GUCY1A2: variants seen among roughly 807,000 people sequenced by gnomAD.
The protein encoded by GUCY1A2 is guanylate cyclase soluble subunit alpha-2.
Under a neutral mutation model 63.5 loss-of-function variants are expected in GUCY1A2, and 27 were observed. The observed-to-expected ratio is 0.43, with a 90% confidence interval of 0.31 to 0.59. The LOEUF (loss-of-function observed/expected upper bound fraction) is 0.59, where lower values mean the gene tolerates loss of function less well. Ranked by LOEUF, GUCY1A2 falls within the 20% of genes least tolerant of loss-of-function variation. The pLI is 0.11. For synonymous variants in GUCY1A2, 364 were observed against 343.5 expected (o/e 1.06, Z -0.66); for missense variants, 768 against 913.3 (o/e 0.84, Z 2.05).
chr11:106,774,583 G>A, intron 6 of GUCY1A2, among the ~76,000 whole-genome samples: 1 of 150,726 alleles, frequency 6.6e-6, no homozygotes, highest in African/African-American at 2.5e-5. Flanking sequence ...GGTACTGATT[G>A]ACATCTTTTA....
intron 4 of GUCY1A2, among the ~76,000 whole-genome samples, chr11:106,908,530 A>T (rs900185953): frequency 4.6e-5 from 7 of 152,024 alleles, no homozygotes; most frequent in Admixed American, 4.6e-4. Flanking sequence ...TGACAAAAAA[A>T]CAAGTGATAA....
intron 4 of GUCY1A2, among the ~76,000 whole-genome samples, chr11:106,848,078 T>G (rs1009770499): frequency 6.6e-6 from 1 of 151,590 alleles, no homozygotes; most frequent in South Asian, 2.1e-4. Flanking sequence ...ACGCAGAAAT[T>G]TGAAAATAGG....
intron 3 of GUCY1A2, among the ~76,000 whole-genome samples, chr11:106,951,224 T>C (rs541835095): frequency 1.1e-4 from 17 of 152,336 alleles, no homozygotes; most frequent in East Asian, 1.9e-4. Context: ...GTCTTTATAG[T>C]AGAATCATTT....
At chr11:106,826,956 A>C in intron 4 of GUCY1A2, 23 of 1,610,820 alleles carry the variant, frequency 1.4e-5, no homozygotes, top group Non-Finnish European at 2.0e-5. Context: ...TAGCACTGAC[A>C]ATGAAATCGC....
chr11:106,803,367 C>G lies in GUCY1A2; in HGVS notation c.1692+6626G>C, dbSNP rs548358503. 3.3e-5 allele frequency among the ~76,000 whole-genome samples: 5 copies of G among 152,160 alleles called. No homozygotes were observed. In the South Asian group the frequency reaches 1.0e-3, roughly 32 times the overall value. ...ATGCATTTCGGAAAGCTATTTATCT[C>G]CCTCCCTCCTTTTATTTCTCTATCC... is the stretch of plus-strand genomic sequence containing the variant. On this transcript the variant is annotated intron_variant, in intron 5 of 7. Transcript: ENST00000526355.
At chr11:106,760,261 G>A (rs1864042950) in intron 6 of GUCY1A2, among the ~76,000 whole-genome samples, 1 of 152,094 alleles carries the variant, frequency 6.6e-6, no homozygotes, top group Non-Finnish European at 1.5e-5. Context: ...AATGGATAAA[G>A]GCTTATACAT....
intron 6 of GUCY1A2, among the ~76,000 whole-genome samples, chr11:106,736,960 G>A (rs1487208619): frequency 1.3e-5 from 2 of 152,102 alleles, no homozygotes; most frequent in Non-Finnish European, 2.9e-5. Context: ...ATTGCTCTCA[G>A]GGAAGCCAGT....
intron 4 of GUCY1A2, among the ~76,000 whole-genome samples, chr11:106,935,980 G>A (rs1350263827): frequency 1.3e-5 from 2 of 152,166 alleles, no homozygotes; most frequent in African/African-American, 4.8e-5. Context: ...AATTTCCAAT[G>A]TATAAAACTG....
At chr11:106,949,575 T>C (rs1565340898) in intron 3 of GUCY1A2, among the ~76,000 whole-genome samples, 3 of 152,196 alleles carry the variant, frequency 2.0e-5, no homozygotes, top group African/African-American at 7.2e-5. Flanking sequence ...GAGACCGAGA[T>C]AGATGTCTCT....
chr11:106,775,476 CG>C (rs1864339116), intron 6 of GUCY1A2, among the ~76,000 whole-genome samples: 1 of 92,584 alleles, frequency 1.1e-5, no homozygotes, highest in African/African-American at 4.1e-5. Context: ...TCACCAATTA[CG>C]TTTTTTTTTT....
intron 3 of GUCY1A2, among the ~76,000 whole-genome samples, chr11:106,945,330 G>A (rs1860811972): frequency 6.6e-6 from 1 of 151,666 alleles, no homozygotes; most frequent in African/African-American, 2.4e-5. Flanking sequence ...AGAGTATCTG[G>A]CAAAGATTCA....
chr11:106,915,143 T>A (rs906540237), intron 4 of GUCY1A2, among the ~76,000 whole-genome samples: 6 of 152,114 alleles, frequency 3.9e-5, no homozygotes, highest in African/African-American at 1.4e-4. Context: ...GATCAGAAAC[T>A]TGGATCTTTT....
At position 106,681,744 on chromosome 11, in the gene GUCY1A2, A is replaced by G. The variant is rs1275180718; in HGVS notation, c.*5805T>C. ...TATAAAACATGTTTCTGTTTTCACA[A>G]AGGCTCTATGAAATGCAAAGAAGTG... On this transcript the variant is annotated 3_prime_UTR_variant, in exon 8 of 8. Coordinates refer to ENST00000526355, the MANE Select transcript of GUCY1A2 (RefSeq NM_000855.3). The G allele has an allele frequency of 4.6e-6, 1 of 219,616 alleles. No individual in the cohort carries two copies. Among genetic ancestry groups the G allele is most frequent in the Non-Finnish European group, 9.1e-6 (1 of 109,584 alleles). 13.6% of individuals were successfully genotyped at this position (219,616 alleles called of 1,614,324 possible).
intron 1 of GUCY1A2, among the ~76,000 whole-genome samples, chr11:107,010,772 C>A (rs1297280771): frequency 6.6e-6 from 1 of 152,050 alleles, no homozygotes; most frequent in Non-Finnish European, 1.5e-5. Context: ...CCTCTGTCAC[C>A]CAGGCTGGAG....
chr11:106,739,681 C>G (rs1863656124), intron 6 of GUCY1A2, among the ~76,000 whole-genome samples: 1 of 152,126 alleles, frequency 6.6e-6, no homozygotes, highest in Non-Finnish European at 1.5e-5. Context: ...TAAAACATGT[C>G]TTTTAGAATT....
At chr11:106,869,174 A>T (rs1459267588) in intron 4 of GUCY1A2, among the ~76,000 whole-genome samples, 1 of 152,142 alleles carries the variant, frequency 6.6e-6, no homozygotes, top group African/African-American at 2.4e-5. Context: ...AACCTAGGCA[A>T]TACCATTCAG....
chr11:106,857,798 A>G (rs1859457835), intron 4 of GUCY1A2, among the ~76,000 whole-genome samples: 1 of 152,226 alleles, frequency 6.6e-6, no homozygotes, highest in African/African-American at 2.4e-5. Flanking sequence ...TGTATTACGT[A>G]TTCCAAGTAA....
chr11:106,886,155 T>G (rs554312736), intron 4 of GUCY1A2, among the ~76,000 whole-genome samples: 1 of 152,292 alleles, frequency 6.6e-6, no homozygotes, highest in African/African-American at 2.4e-5. Context: ...ATAGCCCCTC[T>G]TATAGCTAAG....
intron 2 of GUCY1A2, among the ~76,000 whole-genome samples, chr11:106,981,115 GT>G (rs1259162250): frequency 1.3e-5 from 2 of 152,088 alleles, no homozygotes; most frequent in Admixed American, 1.3e-4. Context: ...AAAAGATACA[GT>G]TTTTTTCTAT....
Sources: gnomAD v4.1 joint callset for allele counts (sites outside exome capture counted in the v4.1 genomes callset) on GRCh38, gnomAD v4.1.1 for gene constraint, MANE v1.5 for transcripts, NCBI Gene and HGNC (gene_info 2026-07-23, HGNC 2026-07-21) for gene names.